The following SEMA3C variants were observed in gnomAD, a reference collection of about 807,000 sequenced individuals.
SEMA3C encodes semaphorin-3C.
Under a neutral mutation model 89.4 loss-of-function variants are expected in SEMA3C, and 47 were observed. The observed-to-expected ratio is 0.53, with a 90% CI of 0.42 to 0.67. The LOEUF is 0.67. Ranked by LOEUF, SEMA3C falls within the 30% of genes least tolerant of loss-of-function variation. The pLI is 0.00. For missense variants in SEMA3C, 839 were observed against 929.1 expected, an observed-to-expected ratio of 0.90 and a Z score of 1.26; for synonymous variants, 310 against 320.2, an observed-to-expected ratio of 0.97 and a Z score of 0.34.
At chr7:80,878,149 G>T (rs895895153) in intron 2 of SEMA3C, among the ~76,000 whole-genome samples, 2 of 152,156 alleles carry the variant, frequency 1.3e-5, no homozygotes, top group East Asian at 3.9e-4. Flanking sequence ...AGGCTGAGGT[G>T]GGCGGATCAC....
At chr7:80,787,513 T>C (rs1365057429) in intron 12 of SEMA3C, among the ~76,000 whole-genome samples, 1 of 151,892 alleles carries the variant, frequency 6.6e-6, no homozygotes, top group Non-Finnish European at 1.5e-5. Context: ...GAGAATCCTC[T>C]GACACATGAC....
intron 12 of SEMA3C, among the ~76,000 whole-genome samples, chr7:80,771,087 G>T (rs2117072860): frequency 6.6e-6 from 1 of 152,350 alleles, no homozygotes; most frequent in East Asian, 1.9e-4. Flanking sequence ...GTCACTTTCA[G>T]TTGAAAGAGC....
intron 2 of SEMA3C, among the ~76,000 whole-genome samples, chr7:80,889,310 G>T (rs1324217586): frequency 2.0e-5 from 3 of 152,150 alleles, no homozygotes; most frequent in African/African-American, 7.2e-5. Flanking sequence ...ATAAGATGTA[G>T]TAAAATTAAA....
intron 12 of SEMA3C, among the ~76,000 whole-genome samples, chr7:80,769,239 T>A (rs935676595): frequency 1.8e-4 from 27 of 152,202 alleles, no homozygotes; most frequent in African/African-American, 6.5e-4. Flanking sequence ...TTTAGTTATT[T>A]TAAAATATAC....
At chr7:80,802,812 C>T (rs1243512124) in intron 8 of SEMA3C, 33 bp from the exon 9 acceptor site, 1 of 1,508,064 alleles carries the variant, frequency 6.6e-7, no homozygotes. Flanking sequence ...ATTCAGATTG[C>T]TTAAGTAAAT....
At chr7:80,749,057 GAA>G in intron 16 of SEMA3C, 29 bp from the exon 17 acceptor site, 1 of 1,572,384 alleles carries the variant, frequency 6.4e-7, no homozygotes, top group Non-Finnish European at 8.6e-7. Context: ...AGGCGAGAGA[GAA>G]AGAAAGAACA....
chr7:80,914,482 C>T (rs181470886), intron 2 of SEMA3C, among the ~76,000 whole-genome samples: 1 of 148,180 alleles, frequency 6.7e-6, no homozygotes, highest in Admixed American at 6.7e-5. Context: ...TCGCCTGATA[C>T]TTTCCCTATA....
At chr7:80,765,990 A>G (rs183532281) in intron 12 of SEMA3C, among the ~76,000 whole-genome samples, 1 of 152,320 alleles carries the variant, frequency 6.6e-6, no homozygotes, top group East Asian at 1.9e-4. Flanking sequence ...TTATCTGAAG[A>G]AAGATGACTG....
intron 7 of SEMA3C, among the ~76,000 whole-genome samples, chr7:80,805,048 T>C (rs908861575): frequency 1.3e-5 from 2 of 152,246 alleles, no homozygotes; most frequent in Admixed American, 6.5e-5. Flanking sequence ...AGCACCTTTT[T>C]TGATGTGAAT....
intron 2 of SEMA3C, among the ~76,000 whole-genome samples, chr7:80,832,656 T>C (rs1790033809): frequency 6.6e-6 from 1 of 152,094 alleles, no homozygotes; most frequent in South Asian, 2.1e-4. Flanking sequence ...CTCTGGACAT[T>C]GGTATGTGAG....
At chr7:80,867,166 A>G (rs1315205125) in intron 2 of SEMA3C, among the ~76,000 whole-genome samples, 1 of 152,248 alleles carries the variant, frequency 6.6e-6, no homozygotes, top group Non-Finnish European at 1.5e-5. Context: ...GGTTGTAGAA[A>G]AAGACTTTAT....
At chr7:80,772,502 C>A (rs1035184815) in intron 12 of SEMA3C, among the ~76,000 whole-genome samples, 4 of 152,136 alleles carry the variant, frequency 2.6e-5, no homozygotes, top group Admixed American at 1.3e-4. Flanking sequence ...AATGTTGACA[C>A]CTTCAGCCTC....
At position 80,907,196 on chromosome 7, in the gene SEMA3C, A is replaced by G. The variant is rs531942048; in HGVS notation, c.103+9483T>C. 2.6e-5 allele frequency among the ~76,000 whole-genome samples: 4 copies of G among 152,254 alleles called. No individual in the cohort carries two copies. The East Asian group carries it at 5.8e-4, about 22-fold the overall frequency. On this transcript the variant is annotated intron_variant, in intron 2 of 17. Coordinates refer to ENST00000265361, the MANE Select transcript of SEMA3C (RefSeq NM_006379.5). The stretch of plus-strand genomic sequence containing the variant: ...ACAGTGGCAGGAAGCATGGCTTTTA[A>G]AAGAATCAGCTTAAAGAAAAAAAAT...
rs751142333 is a variant in SEMA3C, at chr7:80,828,752, G to C, written c.104-7C>G. 4 of 1,602,002 alleles carry C rather than the reference G, an allele frequency of 2.5e-6. No homozygotes were observed. The highest frequency in any genetic ancestry group is 3.4e-6 in the Non-Finnish European group (4 of 1,172,236). On this transcript the variant is annotated splice_region_variant and splice_polypyrimidine_tract_variant and intron_variant, in intron 2 of 17. Transcript: ENST00000265361. ...GTCTTGGTTTCTCGAAGTTCTGAAA[G>C]AGTGAACAGCACAAGTGTAGATACA...
intron 15 of SEMA3C, among the ~76,000 whole-genome samples, chr7:80,757,271 C>T (rs969671150): frequency 3.9e-5 from 6 of 152,230 alleles, no homozygotes; most frequent in African/African-American, 1.2e-4. Flanking sequence ...TTAGCCTTGT[C>T]ACCATCATGA....
At position 80,812,919 on chromosome 7, in the gene SEMA3C, T is replaced by C. The variant is rs181197529; in HGVS notation, c.448-2218A>G. On this transcript the variant is annotated intron_variant, in intron 5 of 17. Transcript: ENST00000265361. The stretch of plus-strand genomic sequence containing the variant: ...CTCATGCCTCAGGCTCTGGAGTGGC[T>C]AGGACTACAGGGAAGCACCACCACG... Among the ~76,000 whole-genome samples, 576 of 151,316 alleles carry C rather than the reference T, an allele frequency of 3.8e-3. 3 individuals carry two copies. The highest frequency in any genetic ancestry group is 0.013 in the African/African-American group (542 of 41,240).
rs964802398 is a variant in SEMA3C at position 80,743,821 on chromosome 7, A to G, written c.*1073T>C. On this transcript the variant is annotated 3_prime_UTR_variant, in exon 18 of 18. Transcript: ENST00000265361. The stretch of plus-strand genomic sequence containing the variant: ...TAGACATAACAAGCACCTTGCCATC[A>G]CACTGAAAAGATCATAAAATATATA... 1 of 151,862 alleles carries G rather than the reference A, an allele frequency of 6.6e-6. No homozygotes were observed. Among genetic ancestry groups the G allele is most frequent in the African/African-American group, 2.4e-5 (1 of 41,312 alleles). The allele number at this position is 151,862 out of a possible 1,614,324, so 9.4% of individuals were successfully genotyped here.
chr7:80,868,656 T>C (rs1790986223), intron 2 of SEMA3C, among the ~76,000 whole-genome samples: 2 of 152,038 alleles, frequency 1.3e-5, no homozygotes, highest in South Asian at 4.1e-4. Flanking sequence ...TACTTTCCTT[T>C]CTCTATAAGC....
chr7:80,761,635 ATTG>A lies in SEMA3C; in HGVS notation c.1463_1465del (p.Thr488del), dbSNP rs1402121156. ...TTTTACCTTTTTAGATGAAATTTTC[ATTG>A]TTGTTATAGGAGCATGATTCTAAAA... is the stretch of plus-strand genomic sequence containing the variant. On this transcript the variant is annotated inframe_deletion, in exon 14 of 18. Transcript: ENST00000265361. 8 of 1,345,854 alleles carry A rather than the reference ATTG, an allele frequency of 5.9e-6. No homozygotes were observed. Among genetic ancestry groups the A allele is most frequent in the Admixed American group, 2.2e-5 (1 of 44,462 alleles). 83.4% of individuals were successfully genotyped at this position (1,345,854 alleles called of 1,614,324 possible). A position where few individuals can be genotyped will look rare whatever the true frequency, so the allele number is the denominator to read the frequency against.
Sources: allele counts gnomAD v4.1 joint callset (sites outside exome capture counted in the v4.1 genomes callset), GRCh38; gene constraint gnomAD v4.1.1; transcripts MANE v1.5; gene names NCBI Gene and HGNC (gene_info 2026-07-23, HGNC 2026-07-21).